Variants in FMN1 observed in about 807,000 individuals in gnomAD.
The protein encoded by FMN1 is formin 1, also known as formin-1.
FMN1 carries 110 observed loss-of-function variants against 132.4 expected under a neutral mutation model. That is an observed-to-expected ratio of 0.83 (90% confidence interval 0.71 to 0.97). The LOEUF (loss-of-function observed/expected upper bound fraction) is 0.97. Among genes scored for constraint, FMN1 ranks in the 50% least tolerant of loss-of-function variants. FMN1 has a pLI of 0.00. For missense variants in FMN1, 1,792 were observed against 1,705.3 expected (o/e 1.05, Z -0.90); for synonymous variants, 722 against 651.7 (o/e 1.11, Z -1.64).
intron 6 of FMN1, among the ~76,000 whole-genome samples, chr15:33,044,104 G>A (rs972157240): frequency 3.9e-4 from 60 of 152,246 alleles, no homozygotes; most frequent in African/African-American, 1.3e-3. Flanking sequence ...CACATTCAGG[G>A]CAGTGCTGAC....
At chr15:33,185,412 A>T (rs1965845573) in intron 2 of FMN1, among the ~76,000 whole-genome samples, 1 of 151,980 alleles carries the variant, frequency 6.6e-6, no homozygotes, top group Non-Finnish European at 1.5e-5. Context: ...ATATTATAGA[A>T]GGTGTTTTCT....
chr15:33,101,042 C>T (rs955657888), intron 4 of FMN1, among the ~76,000 whole-genome samples: 1 of 151,880 alleles, frequency 6.6e-6, no homozygotes, highest in African/African-American at 2.4e-5. Context: ...TACTTTCTAC[C>T]GTTTTTTCAA....
In FMN1 at chr15:32,807,663, C is replaced by T. The variant is rs1475930227; in HGVS notation, c.3929-3331G>A. Among the ~76,000 whole-genome samples, 7 of 152,276 alleles carry T rather than the reference C, an allele frequency of 4.6e-5. No individual in the cohort carries two copies. The South Asian group carries it at 1.0e-3, about 23-fold the overall frequency. On this transcript the variant is annotated intron_variant, in intron 17 of 20. Transcript: ENST00000616417. ...AGTGACAAGAAATACCCTATTCAAA[C>T]TGAATTGAGCATCAGGTAAGATTTT...
At chr15:32,821,117 A>C (rs975190483) in intron 17 of FMN1, among the ~76,000 whole-genome samples, 1 of 120,124 alleles carries the variant, frequency 8.3e-6, no homozygotes, top group Non-Finnish European at 1.9e-5. Flanking sequence ...CTAAGATACA[A>C]TTTTCTAAGA....
At chr15:33,137,254 A>C (rs972763019) in intron 4 of FMN1, among the ~76,000 whole-genome samples, 2 of 152,170 alleles carry the variant, frequency 1.3e-5, no homozygotes, top group African/African-American at 4.8e-5. Context: ...GCTGGCTTTC[A>C]GCCCATGCCA....
intron 5 of FMN1, among the ~76,000 whole-genome samples, chr15:33,071,322 A>C (rs2037991302): frequency 6.6e-6 from 1 of 152,242 alleles, no homozygotes; most frequent in African/African-American, 2.4e-5. Flanking sequence ...TATCTAACAC[A>C]GAAGAGACAC....
intron 5 of FMN1, among the ~76,000 whole-genome samples, chr15:33,082,132 T>TGTGTGTGTG (rs1555395968): frequency 6.8e-6 from 1 of 146,082 alleles, no homozygotes; most frequent in Non-Finnish European, 1.5e-5. Context: ...TGTGTGTGTG[T>TGTGTGTGTG]AAGACAGAGT....
intron 15 of FMN1, among the ~76,000 whole-genome samples, chr15:32,896,352 A>G (rs1407528280): frequency 2.0e-5 from 3 of 152,036 alleles, no homozygotes; most frequent in Non-Finnish European, 4.4e-5. Context: ...TATTTTGTAA[A>G]CTTCTAAGAT....
At chr15:32,888,514 T>C (rs2059948087) in intron 15 of FMN1, among the ~76,000 whole-genome samples, 1 of 152,244 alleles carries the variant, frequency 6.6e-6, no homozygotes, top group Admixed American at 6.5e-5. Flanking sequence ...AGGTCGGCTA[T>C]GGCATGGGCC....
In FMN1 at chr15:32,968,738, G is replaced by A. The variant is rs1277692318; in HGVS notation, c.2963C>T (p.Thr988Ile). Residue 988 changes from threonine to isoleucine, a missense_variant, in exon 8 of 21, where the codon ACT becomes ATT. Physicochemically the swap from Thr to Ile is moderately conservative, Grantham distance 89. Coordinates refer to ENST00000616417, the MANE Select transcript of FMN1 (RefSeq NM_001277313.2). ...PSCPMKPLYW[T>I]RIQISDRSQN... ...CCTCCTATCACTTATTTGTATCCTA[G>A]TCCAATATAAAGGCTTCATGGGACA... The A allele has an allele frequency of 2.5e-6, 4 of 1,613,338 alleles. No homozygotes were observed. Among genetic ancestry groups the A allele is most frequent in the Non-Finnish European group, 3.4e-6 (4 of 1,179,692 alleles).
intron 5 of FMN1, among the ~76,000 whole-genome samples, chr15:33,071,557 CTT>C (rs1321282990): frequency 6.6e-6 from 1 of 152,184 alleles, no homozygotes; most frequent in Non-Finnish European, 1.5e-5. Flanking sequence ...AGAGGAGACT[CTT>C]GTTTACAGAC....
At chr15:33,064,746 T>A in intron 6 of FMN1, 5 of 377,670 alleles carry the variant, frequency 1.3e-5, no homozygotes, top group Non-Finnish European at 4.8e-6. Flanking sequence ...CCCCTTTCAT[T>A]CATTCCACTG....
chr15:32,907,684 A>AT (rs1322712884), intron 12 of FMN1, among the ~76,000 whole-genome samples: 1 of 152,114 alleles, frequency 6.6e-6, no homozygotes, highest in Non-Finnish European at 1.5e-5. Context: ...CACTTGCCTC[A>AT]TCTCTAGATT....
intron 5 of FMN1, among the ~76,000 whole-genome samples, chr15:33,085,753 T>C (rs765575768): frequency 7.2e-5 from 11 of 152,074 alleles, no homozygotes; most frequent in Non-Finnish European, 1.6e-4. Flanking sequence ...GGAAAGGGTA[T>C]AGGAAAAATT....
rs374634863 is a variant in FMN1, at chr15:32,898,847, C to T, written c.3701G>A (p.Arg1234His). ...LVDYVVKYYL[R>H]YYDQEAGTEK... ...ACCATTTCTTACCTGATCATAGTAA[C>T]GCAGGTAATACTTAACAACGTAGTC... Residue 1234 changes from arginine to histidine, a missense_variant, in exon 15 of 21, where the codon CGT becomes CAT. This residue lies in a region of FMN1 where 1,150 missense variants were observed against 1,043.1 expected (regional missense o/e 1.10). Coordinates refer to ENST00000616417, the MANE Select transcript of FMN1 (RefSeq NM_001277313.2). 118 of 1,596,646 alleles carry T rather than the reference C, an allele frequency of 7.4e-5. No homozygotes were observed. The Middle Eastern group carries it at 3.1e-3, about 42-fold the overall frequency.
intron 4 of FMN1, among the ~76,000 whole-genome samples, chr15:33,133,895 T>C (rs1963651674): frequency 6.6e-6 from 1 of 152,238 alleles, no homozygotes; most frequent in African/African-American, 2.4e-5. Context: ...CAGCCATCTA[T>C]AAAATGATAA....
intron 10 of FMN1, among the ~76,000 whole-genome samples, chr15:32,923,698 T>C (rs1332516389): frequency 6.6e-6 from 1 of 152,186 alleles, no homozygotes; most frequent in Non-Finnish European, 1.5e-5. Flanking sequence ...CTTTTCAAAC[T>C]CACAGTAAAC....
At chr15:33,129,759 C>T (rs1262813018) in intron 4 of FMN1, among the ~76,000 whole-genome samples, 3 of 151,896 alleles carry the variant, frequency 2.0e-5, no homozygotes, top group Non-Finnish European at 4.4e-5. Context: ...ATGGCTCACA[C>T]CTCTGACCAG....
At chr15:33,133,137 AC>A (rs1322336016) in intron 4 of FMN1, among the ~76,000 whole-genome samples, 1 of 152,210 alleles carries the variant, frequency 6.6e-6, no homozygotes, top group Non-Finnish European at 1.5e-5. Flanking sequence ...GTGTCCCTCA[AC>A]AGTTAACTCA....
Sources: allele counts gnomAD v4.1 joint callset (sites outside exome capture counted in the v4.1 genomes callset), GRCh38; gene constraint gnomAD v4.1.1; regional missense constraint gnomAD v4.1.1; transcripts MANE v1.5; gene names NCBI Gene and HGNC (gene_info 2026-07-23, HGNC 2026-07-21).